The following POU6F2 variants were observed in gnomAD, a reference collection of about 807,000 sequenced individuals.
POU6F2 encodes the protein POU class 6 homeobox 2.
POU6F2 carries 31 observed loss-of-function variants against 71.3 expected under a neutral mutation model. That is an observed-to-expected ratio of 0.43 (90% confidence interval 0.33 to 0.59). The LOEUF (loss-of-function observed/expected upper bound fraction) is 0.59, where lower values mean the gene tolerates loss of function less well. POU6F2 is among the 20% of genes least tolerant of loss of function. The pLI is 0.04. For missense variants in POU6F2, 783 were observed against 856.8 expected, an observed-to-expected ratio of 0.91 and a Z score of 1.07; for synonymous variants, 347 against 355.7, an observed-to-expected ratio of 0.98 and a Z score of 0.27.
chr7:39,075,434 T>C (rs908035946), intron 1 of POU6F2, among the ~76,000 whole-genome samples: 3 of 152,182 alleles, frequency 2.0e-5, no homozygotes, highest in Non-Finnish European at 4.4e-5. Flanking sequence ...TTTATGGAAA[T>C]CTGAAACCAT....
intron 5 of POU6F2, among the ~76,000 whole-genome samples, chr7:39,351,988 T>A (rs1786147508): frequency 6.6e-6 from 1 of 152,244 alleles, no homozygotes; most frequent in East Asian, 1.9e-4. Context: ...ATAGCACTGT[T>A]GGAGGAAAGA....
At chr7:39,083,915 A>G (rs1791181583) in intron 1 of POU6F2, 1 of 152,130 alleles carries the variant, frequency 6.6e-6, no homozygotes, top group Non-Finnish European at 1.5e-5. Context: ...TTAACAGTGT[A>G]AAGGGGAAAG....
rs548997119 is a variant in POU6F2, at chr7:39,453,189, T to G, written c.1489+1488T>G. 8.5e-5 allele frequency among the ~76,000 whole-genome samples: 13 copies of G among 152,344 alleles called. No homozygotes were observed. In the East Asian group the frequency reaches 2.5e-3, roughly 29 times the overall value. On this transcript the variant is annotated intron_variant, in intron 8 of 9. Transcript: ENST00000518318. ...ACCAGAGTTTCAGGATACATATGCA[T>G]TTTCCATCAACTGTATTTTAGGTTG...
chr7:39,152,439 G>A (rs1032599673), intron 2 of POU6F2, among the ~76,000 whole-genome samples: 6 of 152,100 alleles, frequency 3.9e-5, no homozygotes, highest in African/African-American at 7.2e-5. Context: ...TTCTCTACCC[G>A]ATCCAAACCT....
At chr7:39,127,509 T>C (rs1584556120) in intron 2 of POU6F2, among the ~76,000 whole-genome samples, 1 of 152,196 alleles carries the variant, frequency 6.6e-6, no homozygotes, top group Non-Finnish European at 1.5e-5. Flanking sequence ...GCTGACATCC[T>C]ACTGGGGGAG....
At chr7:39,225,123 A>G (rs368916384) in intron 4 of POU6F2, among the ~76,000 whole-genome samples, 10 of 152,350 alleles carry the variant, frequency 6.6e-5, no homozygotes, top group Admixed American at 3.9e-4. Context: ...AGAAATCAGG[A>G]ATGTTATCAA....
In POU6F2 at chr7:39,372,606, A is replaced by G. The variant is rs77683813; in HGVS notation, c.972+32591A>G. Among the ~76,000 whole-genome samples, 99 of 152,316 alleles carry G rather than the reference A, an allele frequency of 6.5e-4. 1 individual carries two copies. The East Asian group carries it at 0.012, about 19-fold the overall frequency. On this transcript the variant is annotated intron_variant, in intron 5 of 9. Coordinates refer to ENST00000518318, the MANE Select transcript of POU6F2 (RefSeq NM_001370959.1). ...TACTGAAGAGTAATCAGCTTTATTC[A>G]GTCTACCAACTTAAATGTTCACCTC...
chr7:39,294,479 G>A (rs1344228009), intron 4 of POU6F2, among the ~76,000 whole-genome samples: 1 of 151,720 alleles, frequency 6.6e-6, no homozygotes, highest in African/African-American at 2.4e-5. Context: ...ACATGCTACT[G>A]TTTCCTCTGC....
intron 1 of POU6F2, among the ~76,000 whole-genome samples, chr7:39,014,598 C>G (rs896449947): frequency 3.3e-5 from 5 of 152,128 alleles, no homozygotes; most frequent in African/African-American, 1.2e-4. Context: ...TGTGTGGAAT[C>G]TTATGGATTC....
At chr7:39,057,285 A>G (rs1352624014) in intron 1 of POU6F2, among the ~76,000 whole-genome samples, 1 of 152,180 alleles carries the variant, frequency 6.6e-6, no homozygotes, top group African/African-American at 2.4e-5. Flanking sequence ...CCACCATTCT[A>G]AACCAAATAT....
At chr7:39,080,742 C>A (rs908399260) in intron 1 of POU6F2, among the ~76,000 whole-genome samples, 2 of 152,182 alleles carry the variant, frequency 1.3e-5, no homozygotes, top group African/African-American at 4.8e-5. Context: ...TGCTGGACCT[C>A]TTTCAAGCTC....
chr7:39,035,577 T>C (rs1790040536), intron 1 of POU6F2, among the ~76,000 whole-genome samples: 1 of 152,170 alleles, frequency 6.6e-6, no homozygotes, highest in African/African-American at 2.4e-5. Context: ...CTTCACTTCT[T>C]CCTGCGAATC....
chr7:39,203,228 T>C (rs1793942629), intron 2 of POU6F2, among the ~76,000 whole-genome samples: 1 of 152,216 alleles, frequency 6.6e-6, no homozygotes. Flanking sequence ...CAGAGTCATA[T>C]CTTTTTTTCT....
At chr7:39,088,653 C>T (rs554677486) in intron 2 of POU6F2, among the ~76,000 whole-genome samples, 2 of 152,258 alleles carry the variant, frequency 1.3e-5, no homozygotes, top group African/African-American at 4.8e-5. Context: ...TTGGGCTTCT[C>T]TAATGAGATG....
chr7:39,355,599 G>A (rs1012383373), intron 5 of POU6F2, among the ~76,000 whole-genome samples: 13 of 152,070 alleles, frequency 8.5e-5, no homozygotes, highest in Non-Finnish European at 1.8e-4. Flanking sequence ...TATTGCATGT[G>A]ATATGAGCCC....
intron 2 of POU6F2, among the ~76,000 whole-genome samples, chr7:39,168,098 A>G (rs1010099194): frequency 6.6e-6 from 1 of 152,220 alleles, no homozygotes; most frequent in African/African-American, 2.4e-5. Flanking sequence ...CATATCTACA[A>G]TGGTAATACA....
chr7:39,016,866 G>A lies in POU6F2; in HGVS notation c.105+38808G>A, dbSNP rs548606591. The stretch of plus-strand genomic sequence containing the variant: ...CAGTTTAAGGGACTTGAAGAAGGCC[G>A]ACAGCCACTGTGGCAGAGCACAGAG... On this transcript the variant is annotated intron_variant, in intron 1 of 9. Coordinates refer to ENST00000518318, the MANE Select transcript of POU6F2 (RefSeq NM_001370959.1). Among the ~76,000 whole-genome samples, 22 of 152,280 alleles carry A rather than the reference G, an allele frequency of 1.4e-4. No homozygotes were observed. In the South Asian group the frequency reaches 2.3e-3, roughly 16 times the overall value.
intron 1 of POU6F2, among the ~76,000 whole-genome samples, chr7:38,987,121 T>C (rs1788482202): frequency 6.6e-6 from 1 of 152,250 alleles, no homozygotes; most frequent in East Asian, 1.9e-4. Context: ...GAAGAACTCA[T>C]AAATAGTGTC....
intron 4 of POU6F2, among the ~76,000 whole-genome samples, chr7:39,252,906 T>C (rs563244340): frequency 1.3e-5 from 2 of 152,344 alleles, no homozygotes; most frequent in South Asian, 4.1e-4. Context: ...CACTATGCGA[T>C]AGACCATGTA....
Sources: allele counts gnomAD v4.1 joint callset (sites outside exome capture counted in the v4.1 genomes callset), GRCh38; gene constraint gnomAD v4.1.1; transcripts MANE v1.5; gene names NCBI Gene and HGNC (gene_info 2026-07-23, HGNC 2026-07-21).